The following ENAM variants were observed in gnomAD, a reference collection of about 807,000 sequenced individuals.
The protein encoded by ENAM is amelogenesis imperfecta 2, hypocalcification (autosomal dominant).
In ENAM, 21 loss-of-function variants were observed where a neutral mutation model predicts 33.6. The ratio of observed to expected loss-of-function variants is 0.63; its 90% confidence interval spans 0.44 to 0.90. The LOEUF (loss-of-function observed/expected upper bound fraction) is 0.90, where lower values mean the gene tolerates loss of function less well. Among genes scored for constraint, ENAM ranks in the 40% least tolerant of loss-of-function variants. ENAM has a pLI of 0.00. For synonymous variants in ENAM, 473 were observed against 468.4 expected (o/e 1.01, Z -0.13); for missense variants, 1,388 against 1,366.9 (o/e 1.02, Z -0.24).
At position 70,628,928 on chromosome 4, in the gene ENAM, T is replaced by A. The variant is rs1334477571; in HGVS notation, c.-97T>A. On this transcript the variant is annotated 5_prime_UTR_variant, in exon 1 of 9. Coordinates refer to ENST00000396073, the MANE Select transcript of ENAM (RefSeq NM_031889.3). ...CAAGCTAACAAAGTTCAAGTAAAAA[T>A]TATTTTTTATATATTACAGCTTCTA... The A allele has an allele frequency of 1.3e-5, 2 of 152,526 alleles. No homozygotes were observed. Among genetic ancestry groups the A allele is most frequent in the Non-Finnish European group, 1.5e-5 (1 of 68,296 alleles). 9.4% of individuals were successfully genotyped at this position (152,526 alleles called of 1,614,324 possible).
intron 8 of ENAM, among the ~76,000 whole-genome samples, chr4:70,641,346 C>A (rs1437332328): frequency 6.6e-6 from 1 of 150,724 alleles, no homozygotes; most frequent in African/African-American, 2.4e-5. Flanking sequence ...CAATAGAATT[C>A]TTTTTTCTTT....
Position 70,632,703 on chromosome 4 carries a change from CT to C in ENAM, c.210+14del. 6.3e-7 allele frequency: 1 copy of C among 1,577,908 alleles called. No individual in the cohort carries two copies. Among genetic ancestry groups the C allele is most frequent in the Non-Finnish European group, 8.7e-7 (1 of 1,147,370 alleles). On this transcript the variant is annotated intron_variant, in intron 5 of 8. Coordinates refer to ENST00000396073, the MANE Select transcript of ENAM (RefSeq NM_031889.3). ...ATGAACGGCCCACATGTAAGTTTTT[CT>C]TTATGTTATTTCTGATGATTTCTTG...
chr4:70,637,409 T>A (rs922779651), intron 7 of ENAM, among the ~76,000 whole-genome samples: 2 of 152,162 alleles, frequency 1.3e-5, no homozygotes, highest in Non-Finnish European at 2.9e-5. Context: ...ATACTTGGAT[T>A]CTAACAGCAC....
chr4:70,644,871 G>A lies in ENAM; in HGVS notation c.*16G>A. The A allele has an allele frequency of 6.2e-7, 1 of 1,606,462 alleles. No homozygotes were observed. The highest frequency in any genetic ancestry group is 8.5e-7 in the Non-Finnish European group (1 of 1,173,190). Reference sequence around the variant, plus strand: ...TCAGGCCTAGGGGTTATCCAACCAAGCATTCTTGGGGAAAGAGAAATCACT... The same window carrying A: ...TCAGGCCTAGGGGTTATCCAACCAAACATTCTTGGGGAAAGAGAAATCACT... On this transcript the variant is annotated 3_prime_UTR_variant, in exon 9 of 9. Coordinates refer to ENST00000396073, the MANE Select transcript of ENAM (RefSeq NM_031889.3).
Position 70,632,749 on chromosome 4 carries a change from T to C in ENAM, c.210+57T>C. ...TTCTTGTTTATCTAGATAACTCCGTTATAAAGTTTGCCTTAGTCAATAGAG... is the reference window on the plus strand; with the variant it reads ...TTCTTGTTTATCTAGATAACTCCGTCATAAAGTTTGCCTTAGTCAATAGAG... On this transcript the variant is annotated intron_variant, in intron 5 of 8. Coordinates refer to ENST00000396073, the MANE Select transcript of ENAM (RefSeq NM_031889.3). The C allele has an allele frequency of 1.7e-6, 2 of 1,210,334 alleles. 1 individual carries two copies. The highest frequency in any genetic ancestry group is 2.4e-5 in the South Asian group (2 of 82,826). 75.0% of individuals were successfully genotyped at this position (1,210,334 alleles called of 1,614,324 possible).
In ENAM at chr4:70,642,341, T is replaced by A; in HGVS notation, c.915T>A (p.Ser305Arg). ...VNASGQGGPG[S>R]QIPWRPSQPN... Reference sequence around the variant, plus strand: ...CTTCAGGCCAGGGAGGGCCAGGAAGTCAAATCCCATGGAGACCAAGTCAGC... The same window carrying A: ...CTTCAGGCCAGGGAGGGCCAGGAAGACAAATCCCATGGAGACCAAGTCAGC... The change falls in exon 9 of 9, where the codon AGT becomes AGA. Residue 305 changes from serine (S) to arginine (R), a missense_variant. By Grantham distance (110) the Ser-to-Arg change is moderately radical. Coordinates refer to ENST00000396073, the MANE Select transcript of ENAM (RefSeq NM_031889.3). The A allele has an allele frequency of 6.2e-7, 1 of 1,614,144 alleles. No homozygotes were observed. Among genetic ancestry groups the A allele is most frequent in the Non-Finnish European group, 8.5e-7 (1 of 1,180,026 alleles).
Position 70,643,009 on chromosome 4 carries a change from C to T in ENAM, c.1583C>T (p.Pro528Leu). ...KGIVLGSRRM[P>L]YESETNQSEL... is the part of the protein sequence containing the mutation. ...ATTGTTTTAGGGTCAAGAAGGATGC[C>T]ATATGAATCAGAAACTAATCAGTCA... is the stretch of plus-strand genomic sequence containing the variant. Residue 528 changes from proline to leucine, a missense_variant, in exon 9 of 9, where the codon CCA (proline) becomes CTA (leucine). By Grantham distance (98) the Pro-to-Leu change is moderately conservative (BLOSUM62 -3). Coordinates refer to ENST00000396073, the MANE Select transcript of ENAM (RefSeq NM_031889.3). The T allele has an allele frequency of 6.2e-7, 1 of 1,613,996 alleles. No homozygotes were observed. Among genetic ancestry groups the T allele is most frequent in the Non-Finnish European group, 8.5e-7 (1 of 1,179,994 alleles).
In ENAM at chr4:70,644,801, A is replaced by G. The variant is rs1738714718; in HGVS notation, c.3375A>G (p.Gln1125=). Residue 1125 remains glutamine, a synonymous_variant, in exon 9 of 9, where the codon CAA becomes CAG. Coordinates refer to ENST00000396073, the MANE Select transcript of ENAM (RefSeq NM_031889.3). ...AACACAGTCCATTTGAATTCCTTCA[A>G]AGAGGGACCAATGTACAGGACCAGG... ...ADEHSPFEFL[Q]RGTNVQDQVQ... 6.2e-7 allele frequency: 1 copy of G among 1,614,056 alleles called. No homozygotes were observed. The highest frequency in any genetic ancestry group is 1.3e-5 in the African/African-American group (1 of 74,936).
Position 70,631,705 on chromosome 4 carries a change from T to C in ENAM, c.90T>C (p.Phe30=), listed in dbSNP as rs150641121. 1.2e-5 allele frequency: 20 copies of C among 1,613,614 alleles called. No individual in the cohort carries two copies. Among genetic ancestry groups the C allele is most frequent in the Admixed American group, 3.3e-5 (2 of 59,996 alleles). The change falls in exon 3 of 9, where the codon TTT becomes TTC. Residue 30 remains phenylalanine, a synonymous_variant. Coordinates refer to ENST00000396073, the MANE Select transcript of ENAM (RefSeq NM_031889.3). ...PKGKMKILLV[F]LGLLGNSVAM... ...GCAAAATGAAGATTCTCCTGGTCTT[T>C]CTAGGGCTTCTTGGTAATTCTGTTG...
At chr4:70,635,944 T>A (rs553998225) in intron 7 of ENAM, 50 bp downstream of exon 7, 1 of 956,742 alleles carries the variant, frequency 1.0e-6, no homozygotes, top group South Asian at 1.5e-5. Context: ...AATATTAGTA[T>A]GTTATAATTT....
intron 7 of ENAM, 198 bp from the exon 8 acceptor site, chr4:70,637,592 A>G: frequency 1.6e-6 from 1 of 607,956 alleles, no homozygotes; most frequent in Non-Finnish European, 3.0e-6. Context: ...AAGCCTTTGT[A>G]TTTACCAGTA....
rs753263001 is a variant in ENAM at position 70,631,902 on chromosome 4, G to A, written c.168+9G>A. 6.8e-5 allele frequency: 110 copies of A among 1,611,970 alleles called. 3 individuals carry two copies. In the South Asian group the frequency reaches 7.9e-4, roughly 12 times the overall value. ...GCAGTAAAAGTGAGGAGGTATGTACGTTCAGTCTCAGAGGAGAAGTTATCC... is the reference window on the plus strand; with the variant it reads ...GCAGTAAAAGTGAGGAGGTATGTACATTCAGTCTCAGAGGAGAAGTTATCC... On this transcript the variant is annotated intron_variant, in intron 4 of 8. Transcript: ENST00000396073.
At chr4:70,632,617 T>A in intron 4 of ENAM, 34 bp from the exon 5 acceptor site, 2 of 1,500,280 alleles carry the variant, frequency 1.3e-6, no homozygotes, top group East Asian at 4.5e-5. Context: ...AAAGTTTCAC[T>A]TTGTATCACA....
In ENAM at chr4:70,644,652, G is replaced by T; in HGVS notation, c.3226G>T (p.Asp1076Tyr). The T allele has an allele frequency of 4.3e-6, 7 of 1,614,078 alleles. No individual in the cohort carries two copies. The highest frequency in any genetic ancestry group is 2.2e-5 in the South Asian group (2 of 91,030). Residue 1076 changes from aspartate (D) to tyrosine (Y), a missense_variant, in exon 9 of 9, where the codon GAT becomes TAT. Transcript: ENST00000396073. ...HSSTTGTPSS[D>Y]GRQSPFDGDS... ...TTCCACCACCGGAACTCCATCTAGC[G>T]ATGGAAGGCAAAGCCCATTTGATGG...
At chr4:70,637,703 C>A in intron 7 of ENAM, 87 bp from the exon 8 acceptor site, 1 of 976,320 alleles carries the variant, frequency 1.0e-6, no homozygotes, top group South Asian at 1.3e-5. Context: ...TTGACTTGAG[C>A]TATTTTTAGA....
Position 70,631,706 on chromosome 4 carries a change from C to T in ENAM, c.91C>T (p.Leu31=). Residue 31 remains leucine, a synonymous_variant, in exon 3 of 9, where the codon CTA becomes TTA. Transcript: ENST00000396073. ...CAAAATGAAGATTCTCCTGGTCTTT[C>T]TAGGGCTTCTTGGTAATTCTGTTGC... is the stretch of plus-strand genomic sequence containing the variant. ...KGKMKILLVF[L]GLLGNSVAMP... The T allele has an allele frequency of 6.2e-7, 1 of 1,613,562 alleles. No individual in the cohort carries two copies. The highest frequency in any genetic ancestry group is 2.2e-5 in the East Asian group (1 of 44,856).
intron 8 of ENAM, 30 bp from the exon 9 acceptor site, chr4:70,641,985 A>T: frequency 6.5e-7 from 1 of 1,535,018 alleles, no homozygotes; most frequent in Non-Finnish European, 9.0e-7. Flanking sequence ...AACAAAGGGC[A>T]ATTATTGATT....
rs1738737399 is a variant in ENAM, at chr4:70,645,479, T to C, written c.*624T>C. 6.6e-6 allele frequency: 1 copy of C among 152,666 alleles called. No individual in the cohort carries two copies. The highest frequency in any genetic ancestry group is 1.5e-5 in the Non-Finnish European group (1 of 68,400). 9.5% of individuals were successfully genotyped at this position (152,666 alleles called of 1,614,324 possible). A position where few individuals can be genotyped will look rare whatever the true frequency, so the allele number is the denominator to read the frequency against. ...TCTCTGTATATCACTTCTTACATAT[T>C]AAATTAGCTATTTTAACCATTTCTA... On this transcript the variant is annotated 3_prime_UTR_variant, in exon 9 of 9. Coordinates refer to ENST00000396073, the MANE Select transcript of ENAM (RefSeq NM_031889.3).
intron 6 of ENAM, among the ~76,000 whole-genome samples, chr4:70,635,376 C>CA (rs1006491023): frequency 2.0e-5 from 3 of 151,862 alleles, no homozygotes; most frequent in Non-Finnish European, 2.9e-5. Flanking sequence ...GACTCTGTCT[C>CA]AAAAAAATAA....
Sources: allele counts gnomAD v4.1 joint callset (sites outside exome capture counted in the v4.1 genomes callset), GRCh38; gene constraint gnomAD v4.1.1; transcripts MANE v1.5; gene names NCBI Gene and HGNC (gene_info 2026-07-23, HGNC 2026-07-21).